The following CDCA8 variants were observed in gnomAD, a reference collection of about 807,000 sequenced individuals.
The protein encoded by CDCA8 is borealin.
In CDCA8, 25 loss-of-function variants were observed where a neutral mutation model predicts 40.0. That is an observed-to-expected ratio of 0.63 (90% CI 0.46 to 0.87). The LOEUF (loss-of-function observed/expected upper bound fraction) is 0.87. CDCA8 is among the 40% of genes least tolerant of loss of function. The probability of loss-of-function intolerance (pLI) is 0.00; values close to 1 mark genes in which losing one functional copy is unlikely to be tolerated. For missense variants in CDCA8, 280 were observed against 348.4 expected, an observed-to-expected ratio of 0.80 and a Z score of 1.56; for synonymous variants, 111 against 126.5, an observed-to-expected ratio of 0.88 and a Z score of 0.82.
chr1:37,693,416 T>G (rs1645493036), intron 2 of CDCA8, among the ~76,000 whole-genome samples: 1 of 152,066 alleles, frequency 6.6e-6, no homozygotes. Flanking sequence ...TTAAACAGAG[T>G]CTCACTCTGT....
chr1:37,705,113 G>C (rs1645589646), intron 7 of CDCA8, among the ~76,000 whole-genome samples: 1 of 152,196 alleles, frequency 6.6e-6, no homozygotes, highest in Non-Finnish European at 1.5e-5. Context: ...GATGGAAGCA[G>C]CCACGCCTGG....
At chr1:37,695,593 A>C (rs78956982) in intron 2 of CDCA8, among the ~76,000 whole-genome samples, 5,074 of 152,072 alleles carry the variant, frequency 0.033, 283 homozygotes, top group African/African-American at 0.12. Flanking sequence ...AATAAATAAA[A>C]TTTAAAATAT....
At chr1:37,693,216 G>A (rs138612105) in intron 2 of CDCA8, among the ~76,000 whole-genome samples, 183 bp downstream of exon 2, 3 of 150,930 alleles carry the variant, frequency 2.0e-5, no homozygotes, top group Middle Eastern at 3.4e-3. Context: ...TATGAAAAAT[G>A]GGGGGGTGGT....
intron 4 of CDCA8, among the ~76,000 whole-genome samples, chr1:37,700,041 C>T (rs1479399423): frequency 6.6e-6 from 1 of 152,176 alleles, no homozygotes; most frequent in Non-Finnish European, 1.5e-5. Flanking sequence ...CAGGTTTTGA[C>T]TAGTGAGCAA....
chr1:37,707,233 C>G (rs1569583979), intron 9 of CDCA8, among the ~76,000 whole-genome samples, 169 bp downstream of exon 9: 2 of 152,238 alleles, frequency 1.3e-5, no homozygotes, highest in African/African-American at 4.8e-5. Flanking sequence ...AGCAGCAGTT[C>G]TGTTCCTCAG....
rs1363048417 is a variant in CDCA8, at chr1:37,708,384, G to C, written c.*18G>C. 1 of 1,613,422 alleles carries C rather than the reference G, an allele frequency of 6.2e-7. No homozygotes were observed. Among genetic ancestry groups the C allele is most frequent in the Admixed American group, 1.7e-5 (1 of 60,030 alleles). The stretch of plus-strand genomic sequence containing the variant: ...ACAAATGAGACACCAAAGTTGACAG[G>C]ATGGACTTTTAATGGGCACTTCTGG... On this transcript the variant is annotated 3_prime_UTR_variant, in exon 10 of 10. Coordinates refer to ENST00000373055, the MANE Select transcript of CDCA8 (RefSeq NM_001256875.2).
At position 37,705,528 on chromosome 1, in the gene CDCA8, CAA is replaced by C; in HGVS notation, c.674_675del (p.Lys225ArgfsTer20). ...SGNGSPLADS[K>X]EIFLTVPVGG... Reference sequence around the variant, plus strand: ...GGAATGGCAGCCCTCTTGCTGACAGCAAAGAGATCTTCCTCACTGTGCCAGTG... The same window carrying C: ...GGAATGGCAGCCCTCTTGCTGACAGCAGAGATCTTCCTCACTGTGCCAGTG... On this transcript the variant is annotated frameshift_variant, in exon 8 of 10. Coordinates refer to ENST00000373055, the MANE Select transcript of CDCA8 (RefSeq NM_001256875.2). LOFTEE classifies it high-confidence loss of function. 6.2e-7 allele frequency: 1 copy of C among 1,613,800 alleles called. No homozygotes were observed. The highest frequency in any genetic ancestry group is 8.5e-7 in the Non-Finnish European group (1 of 1,179,998).
Position 37,700,451 on chromosome 1 carries a change from A to G in CDCA8, c.353A>G (p.Gln118Arg), listed in dbSNP as rs763752360. The G allele has an allele frequency of 8.1e-6, 13 of 1,605,698 alleles. No homozygotes were observed. The highest frequency in any genetic ancestry group is 1.3e-5 in the African/African-American group (1 of 74,918). The change falls in exon 5 of 10, where the codon CAG becomes CGG. Residue 118 changes from glutamine (Q) to arginine (R), a missense_variant. By Grantham distance (43) the Gln-to-Arg change is conservative (BLOSUM62 1). Transcript: ENST00000373055. Reference protein sequence around the residue: ...LKSAKTRKVIQVDEMIVEEEE... With the variant: ...LKSAKTRKVIRVDEMIVEEEE... ...TTTCTTACAGCACGAAAGGTAATAC[A>G]GGTAGATGAAATGATAGTGGAAGAG... is the stretch of plus-strand genomic sequence containing the variant.
intron 6 of CDCA8, among the ~76,000 whole-genome samples, chr1:37,702,486 A>G (rs1645572076): frequency 2.0e-5 from 3 of 152,224 alleles, no homozygotes; most frequent in Admixed American, 6.5e-5. Context: ...ACTGGACTCT[A>G]CCATAAGCCA....
intron 9 of CDCA8, among the ~76,000 whole-genome samples, chr1:37,707,598 C>A (rs1411136947): frequency 6.6e-6 from 1 of 152,144 alleles, no homozygotes; most frequent in Non-Finnish European, 1.5e-5. Flanking sequence ...TTTGAGTAAC[C>A]ACACCTCCAA....
intron 4 of CDCA8, 72 bp downstream of exon 4, chr1:37,699,049 CA>C (rs1483193007): frequency 3.9e-6 from 4 of 1,022,584 alleles, no homozygotes; most frequent in Non-Finnish European, 6.2e-6. Context: ...GCTGCTCAGG[CA>C]GCGCCTTGTT....
In CDCA8 at chr1:37,695,503, G is replaced by A. The variant is rs546599571; in HGVS notation, c.224-407G>A. Among the ~76,000 whole-genome samples the A allele has an allele frequency of 1.8e-4, 28 of 152,138 alleles. No homozygotes were observed. In the South Asian group the frequency reaches 5.6e-3, roughly 30 times the overall value. ...AGCTACTTGGGAGGCCAAGGTGGGA[G>A]GATCAGTTGAGCCCAGGAGACAGCC... On this transcript the variant is annotated intron_variant, in intron 2 of 9. Coordinates refer to ENST00000373055, the MANE Select transcript of CDCA8 (RefSeq NM_001256875.2).
At chr1:37,699,987 C>T (rs1167913165) in intron 4 of CDCA8, among the ~76,000 whole-genome samples, 1 of 152,072 alleles carries the variant, frequency 6.6e-6, no homozygotes, top group African/African-American at 2.4e-5. Context: ...ACATGTCCCG[C>T]ACTCTGAGAA....
chr1:37,701,223 A>G (rs1314394970), intron 5 of CDCA8, among the ~76,000 whole-genome samples: 6 of 152,090 alleles, frequency 3.9e-5, no homozygotes, highest in Admixed American at 1.3e-4. Context: ...GGAGAGCAGG[A>G]AGGGAGGGAG....
chr1:37,697,260 C>T (rs60258705), intron 3 of CDCA8, among the ~76,000 whole-genome samples: 7,030 of 152,240 alleles, frequency 0.046, 386 homozygotes, highest in East Asian at 0.24. Flanking sequence ...TACAGTCACA[C>T]CCATGGCGAT....
rs1645577687 is a variant in CDCA8, at chr1:37,703,339, T to C, written c.576T>C (p.Phe192=). ...VKPTPGLTPR[F]DSRVFKTPGL... The stretch of plus-strand genomic sequence containing the variant: ...CAACTCCAGGCCTGACACCCAGGTT[T>C]GACTCAAGGTGAGTATCGAGGGAAA... Residue 192 remains phenylalanine (F), a synonymous_variant, in exon 7 of 10, where the codon TTT becomes TTC. Coordinates refer to ENST00000373055, the MANE Select transcript of CDCA8 (RefSeq NM_001256875.2). The C allele has an allele frequency of 6.2e-7, 1 of 1,610,554 alleles. No individual in the cohort carries two copies. Among genetic ancestry groups the C allele is most frequent in the South Asian group, 1.1e-5 (1 of 91,034 alleles).
intron 4 of CDCA8, among the ~76,000 whole-genome samples, chr1:37,699,745 C>CCGT (rs1367890778): frequency 6.6e-6 from 1 of 151,988 alleles, no homozygotes; most frequent in Non-Finnish European, 1.5e-5. Context: ...CGGTGAACCC[C>CCGT]CGTCTCTACT....
At chr1:37,701,704 C>T (rs570373827) in intron 5 of CDCA8, 50 bp from the exon 6 acceptor site, 3 of 1,302,624 alleles carry the variant, frequency 2.3e-6, no homozygotes, top group Admixed American at 2.1e-5. Flanking sequence ...CCTTACCTTC[C>T]TCTTTGCTGG....
At position 37,708,454 on chromosome 1, in the gene CDCA8, G is replaced by A. The variant is rs1645618031; in HGVS notation, c.*88G>A. 1.6e-6 allele frequency: 2 copies of A among 1,283,194 alleles called. No homozygotes were observed. Among genetic ancestry groups the A allele is most frequent in the Non-Finnish European group, 1.1e-6 (1 of 881,616 alleles). The allele number at this position is 1,283,194 out of a possible 1,614,324, so 79.5% of individuals were successfully genotyped here. On this transcript the variant is annotated 3_prime_UTR_variant, in exon 10 of 10. Coordinates refer to ENST00000373055, the MANE Select transcript of CDCA8 (RefSeq NM_001256875.2). ...CCCTTCAGGCTTATTGTTTGAGTGT[G>A]AAGTTCCAGAGCAAGGAGCCATGTT...
Sources: allele counts gnomAD v4.1 joint callset (sites outside exome capture counted in the v4.1 genomes callset), GRCh38; gene constraint gnomAD v4.1.1; transcripts MANE v1.5; gene names NCBI Gene and HGNC (gene_info 2026-07-23, HGNC 2026-07-21).